The following SCN3A variants were observed in gnomAD, a reference collection of about 807,000 sequenced individuals.
SCN3A encodes sodium channel protein type 3 subunit alpha.
A neutral mutation model predicts 187.6 loss-of-function variants in SCN3A; 60 were observed. That is an observed-to-expected ratio of 0.32 (90% CI 0.26 to 0.40). The LOEUF (loss-of-function observed/expected upper bound fraction) is 0.40. SCN3A is among the 10% of genes least tolerant of loss of function. The pLI, the probability that SCN3A is intolerant of heterozygous loss-of-function variation, is 1.00. For synonymous variants in SCN3A, 788 were observed against 829.2 expected (o/e 0.95, Z 0.85); for missense variants, 1,601 against 2,428.2 (o/e 0.66, Z 7.16).
In SCN3A at chr2:165,149,903, C is replaced by A. The variant is rs186784967; in HGVS notation, c.1381-2874G>T. Among the ~76,000 whole-genome samples, 7 of 152,324 alleles carry A rather than the reference C, an allele frequency of 4.6e-5. No individual in the cohort carries two copies. In the South Asian group the frequency reaches 1.0e-3, roughly 23 times the overall value. ...CTGTGTGTCCGTAAAAATATAACCA[C>A]ATAACTAATACTTTGTTCATTTTAT... On this transcript the variant is annotated intron_variant, in intron 11 of 27. Coordinates refer to ENST00000283254, the MANE Select transcript of SCN3A (RefSeq NM_006922.4).
intron 21 of SCN3A, among the ~76,000 whole-genome samples, chr2:165,112,235 T>A (rs1363082933): frequency 1.3e-5 from 2 of 152,214 alleles, no homozygotes; most frequent in African/African-American, 4.8e-5. Flanking sequence ...GCACGTCAGA[T>A]AGATTCCATA....
At chr2:165,173,033 C>T (rs946154348) in intron 3 of SCN3A, among the ~76,000 whole-genome samples, 15 of 152,068 alleles carry the variant, frequency 9.9e-5, no homozygotes, top group Non-Finnish European at 2.1e-4. Flanking sequence ...AGAGATAGAT[C>T]GTCATTGCTA....
chr2:165,155,938 A>G, intron 9 of SCN3A, 35 bp from the exon 10 acceptor site: 1 of 1,612,564 alleles, frequency 6.2e-7, no homozygotes, highest in Non-Finnish European at 8.5e-7. Flanking sequence ...GGGTCAGTTT[A>G]GAAATTACAG....
rs113893388 is a variant in SCN3A, at chr2:165,174,403, AG to A, written c.264+1727del. 7.2e-3 allele frequency among the ~76,000 whole-genome samples: 1,099 copies of A among 152,298 alleles called. 12 individuals carry two copies. The highest frequency in any genetic ancestry group is 0.02 in the African/African-American group (850 of 41,574). ...TGTGGAATGTTTAATAGCATGTGTT[AG>A]GTAGTTCAGTGTAGCCCCTCCACAA... is the stretch of plus-strand genomic sequence containing the variant. On this transcript the variant is annotated intron_variant, in intron 3 of 27. Coordinates refer to ENST00000283254, the MANE Select transcript of SCN3A (RefSeq NM_006922.4).
chr2:165,122,230 C>CTTTTTTTTTTTTT (rs776949572), intron 18 of SCN3A, among the ~76,000 whole-genome samples: 2 of 113,944 alleles, frequency 1.8e-5, no homozygotes, highest in Non-Finnish European at 3.5e-5. Flanking sequence ...TTCTTTCTTT[C>CTTTTTTTTTTTTT]TTTTTTTTCT....
chr2:165,153,589 A>C (rs1029919283), intron 11 of SCN3A, among the ~76,000 whole-genome samples: 4 of 152,146 alleles, frequency 2.6e-5, no homozygotes, highest in African/African-American at 9.6e-5. Flanking sequence ...CAACCACTTC[A>C]TAAAAGAAGC....
intron 2 of SCN3A, among the ~76,000 whole-genome samples, chr2:165,182,701 A>G (rs915620053): frequency 1.3e-5 from 2 of 152,184 alleles, no homozygotes; most frequent in African/African-American, 4.8e-5. Flanking sequence ...AGGCATGATA[A>G]TAAATTCTGT....
intron 1 of SCN3A, chr2:165,195,579 A>G (rs1306858132): frequency 3.9e-5 from 6 of 152,172 alleles, no homozygotes; most frequent in Non-Finnish European, 7.3e-5. Flanking sequence ...TATTTTGTTA[A>G]GTGTGAAACT....
chr2:165,097,247 C>T lies in SCN3A; in HGVS notation c.4239+5G>A. On this transcript the variant is annotated splice_donor_5th_base_variant and intron_variant, in intron 23 of 27. Coordinates refer to ENST00000283254, the MANE Select transcript of SCN3A (RefSeq NM_006922.4). ...TTTTTCAAAACTCGTACAGTAGCCA[C>T]TTACCACTTGAAGCAGTGCAAGATA... 1 of 1,614,060 alleles carries T rather than the reference C, an allele frequency of 6.2e-7. No individual in the cohort carries two copies. Among genetic ancestry groups the T allele is most frequent in the Non-Finnish European group, 8.5e-7 (1 of 1,179,956 alleles).
At chr2:165,153,749 A>G (rs1323445628) in intron 11 of SCN3A, among the ~76,000 whole-genome samples, 1 of 152,140 alleles carries the variant, frequency 6.6e-6, no homozygotes, top group Non-Finnish European at 1.5e-5. Flanking sequence ...GAGAAATTAT[A>G]ATTCTAACTG....
At chr2:165,126,719 G>A (rs1433504680) in intron 18 of SCN3A, among the ~76,000 whole-genome samples, 1 of 150,926 alleles carries the variant, frequency 6.6e-6, no homozygotes, top group Non-Finnish European at 1.5e-5. Context: ...GTAAGAGTAG[G>A]TTTATTAACC....
chr2:165,097,753 A>C, intron 22 of SCN3A: 1 of 577,222 alleles, frequency 1.7e-6, no homozygotes, highest in Non-Finnish European at 3.0e-6. Context: ...GTATGAAAAG[A>C]AATCATTAAA....
intron 1 of SCN3A, among the ~76,000 whole-genome samples, chr2:165,190,726 T>C (rs1038364190): frequency 4.0e-5 from 6 of 150,988 alleles, no homozygotes; most frequent in Non-Finnish European, 8.9e-5. Flanking sequence ...CTATACTTCT[T>C]ATAAACCATT....
At position 165,096,481 on chromosome 2, in the gene SCN3A, C is replaced by T. The variant is rs1338140446; in HGVS notation, c.4279G>A (p.Val1427Ile). The T allele has an allele frequency of 6.2e-7, 1 of 1,610,708 alleles. No homozygotes were observed. ...KGWMDIMYAA[V>I]DSRDVKLQPV... ...GTGATACTTACATCTCGTGAATCAA[C>T]AGCTGCATACATAATATCCATCCAG... Residue 1427 changes from valine to isoleucine, a missense_variant, in exon 24 of 28, where the codon GTT (valine) becomes ATT (isoleucine). Physicochemically the swap from Val to Ile is conservative, Grantham distance 29 (BLOSUM62 3). Transcript: ENST00000283254.
At position 165,162,607 on chromosome 2, in the gene SCN3A, C is replaced by G. The variant is rs773352929; in HGVS notation, c.916G>C (p.Val306Leu). The change falls in exon 8 of 28, where the codon GTT (valine) becomes CTT (leucine). Residue 306 changes from valine (V) to leucine (L), a missense_variant. This residue lies in a region of SCN3A where 104 missense variants were observed against 102.7 expected (regional missense o/e 1.01). Transcript: ENST00000283254. ...NGTMDSNGTFVNVTMSTFNWK... is the reference protein window; with the variant it reads ...NGTMDSNGTFLNVTMSTFNWK... ...TTAAATGTGCTCATTGTTACATTAACAAATGTCCCATTTGAATCCATTGTG... is the reference window on the plus strand; with the variant it reads ...TTAAATGTGCTCATTGTTACATTAAGAAATGTCCCATTTGAATCCATTGTG... 3.7e-6 allele frequency: 6 copies of G among 1,614,112 alleles called. No individual in the cohort carries two copies. In the Admixed American group the frequency reaches 1.0e-4, roughly 27 times the overall value.
intron 2 of SCN3A, among the ~76,000 whole-genome samples, chr2:165,179,329 C>T (rs1050140554): frequency 1.4e-4 from 21 of 152,140 alleles, no homozygotes; most frequent in Non-Finnish European, 2.9e-4. Context: ...GAAATGGCTG[C>T]CCTTTTCCAG....
chr2:165,194,379 A>G (rs2105978235), intron 1 of SCN3A, among the ~76,000 whole-genome samples: 1 of 152,200 alleles, frequency 6.6e-6, no homozygotes, highest in East Asian at 1.9e-4. Context: ...CTTCTGAGAG[A>G]AACTTCTGAG....
chr2:165,165,625 A>C lies in SCN3A; in HGVS notation c.474-1105T>G, dbSNP rs564047309. ...TTGTTTTTCAACATTGTGTTCTTTA[A>C]AAGCACAATTTAAGTTTATTTTTCA... On this transcript the variant is annotated intron_variant, in intron 5 of 27. Coordinates refer to ENST00000283254, the MANE Select transcript of SCN3A (RefSeq NM_006922.4). 3.9e-5 allele frequency among the ~76,000 whole-genome samples: 6 copies of C among 152,246 alleles called. No homozygotes were observed. The South Asian group carries it at 1.2e-3, about 32-fold the overall frequency.
chr2:165,125,662 G>A (rs1429100564), intron 18 of SCN3A, among the ~76,000 whole-genome samples: 3 of 152,114 alleles, frequency 2.0e-5, no homozygotes, highest in Admixed American at 6.5e-5. Flanking sequence ...ATGAGTTCAT[G>A]TTAGCTTACT....
Sources: gnomAD v4.1 joint callset for allele counts (sites outside exome capture counted in the v4.1 genomes callset) on GRCh38, gnomAD v4.1.1 for gene constraint, gnomAD v4.1.1 regional missense constraint, MANE v1.5 for transcripts, NCBI Gene and HGNC (gene_info 2026-07-23, HGNC 2026-07-21) for gene names.